The following HSP90AA1 variants were observed in gnomAD, a reference collection of about 807,000 sequenced individuals.
The protein encoded by HSP90AA1 is heat shock protein HSP 90-alpha.
Under a neutral mutation model 73.3 loss-of-function variants are expected in HSP90AA1, and 18 were observed. That is an observed-to-expected ratio of 0.25 (90% CI 0.17 to 0.36). The LOEUF (loss-of-function observed/expected upper bound fraction) is 0.36. Among genes scored for constraint, HSP90AA1 ranks in the 10% least tolerant of loss-of-function variants. HSP90AA1 has a pLI of 1.00. For synonymous variants in HSP90AA1, 477 were observed against 296.9 expected, an observed-to-expected ratio of 1.61 and a Z score of -6.24; for missense variants, 704 against 874.2, an observed-to-expected ratio of 0.81 and a Z score of 2.45.
intron 2 of HSP90AA1, among the ~76,000 whole-genome samples, chr14:102,092,314 G>T (rs1193430345): frequency 6.6e-6 from 1 of 151,770 alleles, no homozygotes; most frequent in Non-Finnish European, 1.5e-5. Flanking sequence ...CAAGTGATGT[G>T]CCTGCCTCGG....
At position 102,081,829 on chromosome 14, in the gene HSP90AA1, C is replaced by T. The variant is rs761958307; in HGVS notation, c.2090-8G>A. 1.6e-6 allele frequency: 2 copies of T among 1,289,726 alleles called. No individual in the cohort carries two copies. The highest frequency in any genetic ancestry group is 2.4e-5 in the South Asian group (2 of 84,516). 79.9% of individuals were successfully genotyped at this position (1,289,726 alleles called of 1,614,324 possible). ...GGTCATCTTCATCAATACCTGTTTC[C>T]AAAATAAAATCCTCATATTACAAAG... On this transcript the variant is annotated splice_polypyrimidine_tract_variant and splice_region_variant and intron_variant, in intron 10 of 10. Transcript: ENST00000216281.
At chr14:102,089,344 C>G (rs2049321395), upstream of HSP90AA1, among the ~76,000 whole-genome samples, 1 of 152,182 alleles carries the variant, frequency 6.6e-6, no homozygotes, top group South Asian at 2.1e-4. Flanking sequence ...CCCGTCAGGC[C>G]CCATCTTTAA....
At chr14:102,087,436 G>A (rs894722954), upstream of HSP90AA1, among the ~76,000 whole-genome samples, 3 of 151,814 alleles carry the variant, frequency 2.0e-5, no homozygotes, top group Non-Finnish European at 4.4e-5. Flanking sequence ...TTTGAAGTGA[G>A]GTGTAGTTGG....
At chr14:102,137,688 T>C (rs539951255) in intron 1 of HSP90AA1, among the ~76,000 whole-genome samples, 1 of 152,134 alleles carries the variant, frequency 6.6e-6, no homozygotes, top group Non-Finnish European at 1.5e-5. Flanking sequence ...GGAAAAGTTA[T>C]GAGATAAAAA....
chr14:102,115,439 A>G (rs1444713896), intron 1 of HSP90AA1, among the ~76,000 whole-genome samples: 1 of 152,184 alleles, frequency 6.6e-6, no homozygotes, highest in Non-Finnish European at 1.5e-5. Flanking sequence ...AAGAAGTGAG[A>G]TTGCTGGATT....
intron 1 of HSP90AA1, among the ~76,000 whole-genome samples, chr14:102,138,324 A>G (rs760155866): frequency 3.3e-5 from 5 of 152,214 alleles, no homozygotes; most frequent in Non-Finnish European, 7.3e-5. Flanking sequence ...TGATTATTGT[A>G]AAATACGTGT....
At chr14:102,121,678 C>T (rs545085804) in intron 1 of HSP90AA1, among the ~76,000 whole-genome samples, 4 of 152,032 alleles carry the variant, frequency 2.6e-5, no homozygotes, top group Admixed American at 6.6e-5. Flanking sequence ...AAAATAGTTT[C>T]AATTTGCATT....
At chr14:102,094,924 A>G (rs2049405188) in intron 2 of HSP90AA1, among the ~76,000 whole-genome samples, 1 of 152,094 alleles carries the variant, frequency 6.6e-6, no homozygotes, top group Admixed American at 6.5e-5. Context: ...TAGCAGGGGC[A>G]AACTTGGGAG....
At chr14:102,107,952 A>AT (rs3068103) in intron 1 of HSP90AA1, among the ~76,000 whole-genome samples, 28,995 of 147,426 alleles carry the variant, frequency 0.2, 5,870 homozygotes, top group African/African-American at 0.52. Context: ...TCTCTCTTAA[A>AT]TTTTTTTTTT....
chr14:102,126,629 A>C (rs1321170723), intron 1 of HSP90AA1, among the ~76,000 whole-genome samples: 2 of 151,766 alleles, frequency 1.3e-5, no homozygotes, highest in Non-Finnish European at 2.9e-5. Flanking sequence ...GGTTCACGCC[A>C]TTCTCTTGCC....
chr14:102,134,971 A>G (rs1396997337), intron 1 of HSP90AA1, among the ~76,000 whole-genome samples: 1 of 152,042 alleles, frequency 6.6e-6, no homozygotes, highest in South Asian at 2.1e-4. Flanking sequence ...CTACATACAA[A>G]GGTTCTCCAC....
At chr14:102,087,172 A>G (rs1181900178), upstream of HSP90AA1, 3 of 981,098 alleles carry the variant, frequency 3.1e-6, no homozygotes, top group Non-Finnish European at 3.6e-6. Context: ...GCGCCTACGC[A>G]TGCGCCGTTG....
intron 1 of HSP90AA1, among the ~76,000 whole-genome samples, chr14:102,131,014 C>A (rs1392892853): frequency 6.6e-6 from 1 of 152,222 alleles, no homozygotes; most frequent in African/African-American, 2.4e-5. Context: ...CCACCATGCC[C>A]AGCCTATCCA....
chr14:102,082,957 C>A, intron 9 of HSP90AA1, 77 bp downstream of exon 9: 1 of 1,426,662 alleles, frequency 7.0e-7, no homozygotes. Flanking sequence ...TGAAAACATG[C>A]GAAAATGGGC....
intron 9 of HSP90AA1, 72 bp from the exon 10 acceptor site, chr14:102,082,516 G>A: frequency 8.2e-7 from 1 of 1,212,432 alleles, no homozygotes; most frequent in Non-Finnish European, 1.2e-6. Context: ...AATGAAATCT[G>A]TAGAACCCAA....
intron 2 of HSP90AA1, among the ~76,000 whole-genome samples, chr14:102,092,743 CAT>C (rs771084477): frequency 1.1e-4 from 16 of 152,162 alleles, no homozygotes; most frequent in South Asian, 8.3e-4. Flanking sequence ...GTACTTTAAA[CAT>C]GTGCAGTTTA....
At chr14:102,121,007 A>G (rs1293658801) in intron 1 of HSP90AA1, among the ~76,000 whole-genome samples, 3 of 146,008 alleles carry the variant, frequency 2.1e-5, no homozygotes, top group African/African-American at 8.1e-5. Context: ...ATACACACAC[A>G]CACACACACA....
upstream of HSP90AA1, chr14:102,087,174 G>A (rs955918842): frequency 5.1e-6 from 5 of 982,454 alleles, no homozygotes; most frequent in South Asian, 1.4e-4. Context: ...GCCTACGCAT[G>A]CGCCGTTGCC....
chr14:102,110,696 C>T (rs1297214515), intron 1 of HSP90AA1, among the ~76,000 whole-genome samples: 1 of 151,922 alleles, frequency 6.6e-6, no homozygotes, highest in African/African-American at 2.4e-5. Flanking sequence ...TCTCCTGCCT[C>T]AGCCTCCCGA....
Sources: allele counts gnomAD v4.1 joint callset (sites outside exome capture counted in the v4.1 genomes callset), GRCh38; gene constraint gnomAD v4.1.1; transcripts MANE v1.5; gene names NCBI Gene and HGNC (gene_info 2026-07-23, HGNC 2026-07-21).